BRCA2: variants seen among roughly 807,000 people sequenced by gnomAD.
BRCA2 encodes breast cancer type 2 susceptibility protein.
A neutral mutation model predicts 276.7 loss-of-function variants in BRCA2; 203 were observed. The ratio of observed to expected loss-of-function variants is 0.73; its 90% confidence interval spans 0.65 to 0.82. BRCA2 has a LOEUF of 0.82. Among genes scored for constraint, BRCA2 ranks in the 40% least tolerant of loss-of-function variants. BRCA2 has a pLI of 0.00. For missense variants in BRCA2, 3,920 were observed against 3,915.0 expected (o/e 1.00, Z -0.03); for synonymous variants, 1,289 against 1,338.4 (o/e 0.96, Z 0.81).
chr13:32,349,250 T>C (rs1339671549), intron 13 of BRCA2, among the ~76,000 whole-genome samples: 1 of 148,710 alleles, frequency 6.7e-6, no homozygotes, highest in Non-Finnish European at 1.5e-5. Flanking sequence ...GATGGTGAAT[T>C]GAACATACTC....
chr13:32,340,581 G>A lies in BRCA2; in HGVS notation c.6226G>A (p.Val2076Ile), dbSNP rs776348927. Residue 2076 changes from valine to isoleucine, a missense_variant, in exon 11 of 27, where the codon GTT (valine) becomes ATT (isoleucine). This residue lies in a region of BRCA2 where 3,263 missense variants were observed against 3,156.9 expected (regional missense o/e 1.03). Transcript: ENST00000380152. ...VSILESSLHK[V>I]KGVLEEFDLI... ...CATTTTAGAAAGTTCCTTACACAAA[G>A]TTAAGGGAGTGTTAGAGGAATTTGA... 1 of 1,610,858 alleles carries A rather than the reference G, an allele frequency of 6.2e-7. No homozygotes were observed. The highest frequency in any genetic ancestry group is 1.1e-5 in the South Asian group (1 of 90,706).
At position 32,332,757 on chromosome 13, in the gene BRCA2, G is replaced by C. The variant is rs147797288; in HGVS notation, c.1279G>C (p.Asp427His). 1 of 1,607,254 alleles carries C rather than the reference G, an allele frequency of 6.2e-7. No homozygotes were observed. Among genetic ancestry groups the C allele is most frequent in the African/African-American group, 1.3e-5 (1 of 74,290 alleles). Residue 427 changes from aspartate to histidine, a missense_variant, in exon 10 of 27, where the codon GAC becomes CAC. Transcript: ENST00000380152. ...SSCDQNISEK[D>H]LLDTENKRKK... ...ATGTGACCAAAATATTTCAGAAAAA[G>C]ACCTATTAGACACAGAGAACAAAAG... is the stretch of plus-strand genomic sequence containing the variant.
intron 13 of BRCA2, among the ~76,000 whole-genome samples, chr13:32,353,195 C>G (rs1003498059): frequency 6.6e-6 from 1 of 152,128 alleles, no homozygotes; most frequent in Non-Finnish European, 1.5e-5. Context: ...AAAAGAACAG[C>G]CTTTCTTAAG....
intron 7 of BRCA2, among the ~76,000 whole-genome samples, chr13:32,327,428 CAG>C (rs1260376154): frequency 6.6e-6 from 1 of 151,904 alleles, no homozygotes; most frequent in Non-Finnish European, 1.5e-5. Flanking sequence ...GCCTGGGTGA[CAG>C]GGAGGCTGAG....
At position 32,396,891 on chromosome 13, in the gene BRCA2, T is replaced by A. The variant is rs1064795209; in HGVS notation, c.9502-7T>A. On this transcript the variant is annotated splice_region_variant and splice_polypyrimidine_tract_variant and intron_variant, in intron 25 of 26. Coordinates refer to ENST00000380152, the MANE Select transcript of BRCA2 (RefSeq NM_000059.4). ...TTATAAAGCAGCTTTTCCACTTATT[T>A]TCTTAGAATATTGACATACTTTGCA... is the stretch of plus-strand genomic sequence containing the variant. 6.2e-7 allele frequency: 1 copy of A among 1,614,080 alleles called. No homozygotes were observed. Among genetic ancestry groups the A allele is most frequent in the East Asian group, 2.2e-5 (1 of 44,864 alleles).
rs1593201908 is a variant in BRCA2 at position 32,398,362 on chromosome 13, T to A, written c.9849T>A (p.Val3283=). ...GTAGACTGCCTTTACCTCCACCTGT[T>A]AGTCCCATTTGTACATTTGTTTCTC... ...FLSRLPLPPP[V]SPICTFVSPA... is the part of the protein sequence containing the mutation. Residue 3283 remains valine, a synonymous_variant, in exon 27 of 27, where the codon GTT becomes GTA. Coordinates refer to ENST00000380152, the MANE Select transcript of BRCA2 (RefSeq NM_000059.4). 1 of 1,614,056 alleles carries A rather than the reference T, an allele frequency of 6.2e-7. No homozygotes were observed. Among genetic ancestry groups the A allele is most frequent in the Non-Finnish European group, 8.5e-7 (1 of 1,180,038 alleles).
rs28897755 is a variant in BRCA2 at position 32,379,834 on chromosome 13, C to T, written c.9038C>T (p.Thr3013Ile). 786 of 1,613,402 alleles carry T rather than the reference C, an allele frequency of 4.9e-4. 2 individuals are homozygous for T. Among genetic ancestry groups the T allele is most frequent in the Middle Eastern group, 6.6e-4 (4 of 6,058 alleles). Residue 3013 changes from threonine (T) to isoleucine (I), a missense_variant, in exon 23 of 27, where the codon ACT becomes ATT. Transcript: ENST00000380152. ...GKRYRIYHLA[T>I]SKSKSKSERA... is the part of the protein sequence containing the mutation. ...AGATACAGAATTTATCATCTTGCAA[C>T]TTCAAAATCTAAAAGTAAATCTGAA... is the stretch of plus-strand genomic sequence containing the variant.
intron 24 of BRCA2, chr13:32,385,929 T>C (rs2072956988): frequency 4.3e-5 from 7 of 161,254 alleles, no homozygotes. Flanking sequence ...GATAAAAGTG[T>C]CAATTCTTTG....
chr13:32,368,130 C>T (rs2072798486), intron 18 of BRCA2, among the ~76,000 whole-genome samples: 1 of 149,148 alleles, frequency 6.7e-6, no homozygotes, highest in Admixed American at 6.8e-5. Context: ...AGCGATTCTC[C>T]TGCCTCAGCC....
chr13:32,325,234 A>G (rs1476245856), intron 4 of BRCA2, 50 bp downstream of exon 4: 1 of 1,325,390 alleles, frequency 7.5e-7, no homozygotes, highest in Non-Finnish European at 1.1e-6. Context: ...ATTTTCCTAC[A>G]TATATTTGTT....
Position 32,379,980 on chromosome 13 carries a change from G to A in BRCA2, c.9118-27G>A, listed in dbSNP as rs770770682. On this transcript the variant is annotated intron_variant, in intron 23 of 26. Transcript: ENST00000380152. Reference sequence around the variant, plus strand: ...TTGTTAGTTTATGGAATCTCCATATGTTGAATTTTTGTTTTGTTTTCTGTA... The same window carrying A: ...TTGTTAGTTTATGGAATCTCCATATATTGAATTTTTGTTTTGTTTTCTGTA... 4 of 1,613,626 alleles carry A rather than the reference G, an allele frequency of 2.5e-6. No homozygotes were observed. Among genetic ancestry groups the A allele is most frequent in the Non-Finnish European group, 3.4e-6 (4 of 1,179,648 alleles).
At chr13:32,356,750 T>G in intron 15 of BRCA2, 141 bp downstream of exon 15, 1 of 1,128,270 alleles carries the variant, frequency 8.9e-7, no homozygotes, top group Non-Finnish European at 1.3e-6. Context: ...TATTTTCTAA[T>G]TAGCCTGCAG....
At chr13:32,382,723 A>G (rs2072932497) in intron 24 of BRCA2, among the ~76,000 whole-genome samples, 1 of 152,186 alleles carries the variant, frequency 6.6e-6, no homozygotes. Context: ...TCAAGAGAAC[A>G]TTTGCTTTTT....
intron 13 of BRCA2, among the ~76,000 whole-genome samples, chr13:32,351,991 A>C: frequency 6.6e-6 from 1 of 151,866 alleles, no homozygotes; most frequent in East Asian, 1.9e-4. Context: ...TTACTAGAGA[A>C]GGGGTTTCAC....
At chr13:32,331,692 T>C (rs2072392734) in intron 9 of BRCA2, among the ~76,000 whole-genome samples, 2 of 152,026 alleles carry the variant, frequency 1.3e-5, no homozygotes, top group Non-Finnish European at 2.9e-5. Context: ...CAATAAGATA[T>C]ATAATTAACA....
At position 32,332,532 on chromosome 13, in the gene BRCA2, T is replaced by C. The variant is rs542343726; in HGVS notation, c.1054T>C (p.Tyr352His). The change falls in exon 10 of 27, where the codon TAC becomes CAC. Residue 352 changes from tyrosine to histidine, a missense_variant. Coordinates refer to ENST00000380152, the MANE Select transcript of BRCA2 (RefSeq NM_000059.4). ...EKSKNQVKEK[Y>H]SFVSEVEPND... ...ATCTAAAAACCAAGTGAAAGAAAAA[T>C]ACTCATTTGTATCTGAAGTGGAACC... 3.1e-6 allele frequency: 5 copies of C among 1,611,652 alleles called. No individual in the cohort carries two copies. Among genetic ancestry groups the C allele is most frequent in the Admixed American group, 1.7e-5 (1 of 59,498 alleles).
chr13:32,371,242 C>A, intron 20 of BRCA2, 142 bp downstream of exon 20: 1 of 856,112 alleles, frequency 1.2e-6, no homozygotes, highest in Non-Finnish European at 1.8e-6. Flanking sequence ...CTAGGGTATT[C>A]TTTTTTGGTG....
intron 1 of BRCA2, among the ~76,000 whole-genome samples, chr13:32,316,150 C>G (rs1055820386): frequency 3.3e-5 from 5 of 152,206 alleles, no homozygotes; most frequent in African/African-American, 1.2e-4. Context: ...ACTAGCCACG[C>G]GTCACTGGTT....
intron 24 of BRCA2, among the ~76,000 whole-genome samples, chr13:32,388,763 G>A (rs933169282): frequency 2.0e-5 from 3 of 150,550 alleles, no homozygotes; most frequent in African/African-American, 4.9e-5. Flanking sequence ...TATCTGTTTC[G>A]ATCCTTTTGT....
Sources: allele counts gnomAD v4.1 joint callset (sites outside exome capture counted in the v4.1 genomes callset), GRCh38; gene constraint gnomAD v4.1.1; regional missense constraint gnomAD v4.1.1; transcripts MANE v1.5; gene names NCBI Gene and HGNC (gene_info 2026-07-23, HGNC 2026-07-21).